The following LRP1B variants were observed in gnomAD, a reference collection of about 807,000 sequenced individuals.
The protein encoded by LRP1B is low-density lipoprotein receptor-related protein 1B.
LRP1B carries 217 observed loss-of-function variants against 556.6 expected under a neutral mutation model. That is an observed-to-expected ratio of 0.39 (90% CI 0.35 to 0.44). The LOEUF (loss-of-function observed/expected upper bound fraction) is 0.44. LRP1B is among the 20% of genes least tolerant of loss of function. The pLI, the probability that LRP1B is intolerant of heterozygous loss-of-function variation, is 1.00. For synonymous variants in LRP1B, 2,047 were observed against 1,865.8 expected, an observed-to-expected ratio of 1.10 and a Z score of -2.50; for missense variants, 5,053 against 5,620.8, an observed-to-expected ratio of 0.90 and a Z score of 3.23.
chr2:141,521,208 C>T (rs1316159157), intron 2 of LRP1B, among the ~76,000 whole-genome samples: 3 of 152,048 alleles, frequency 2.0e-5, no homozygotes, highest in Non-Finnish European at 4.4e-5. Flanking sequence ...CTTTATAAAA[C>T]CCTTTCACAT....
chr2:140,753,601 A>G (rs113312203), intron 35 of LRP1B, among the ~76,000 whole-genome samples: 6,708 of 152,252 alleles, frequency 0.044, 231 homozygotes, highest in South Asian at 0.097. Context: ...CTAAGGGCAT[A>G]AACCAAAAGA....
intron 7 of LRP1B, among the ~76,000 whole-genome samples, chr2:141,074,136 C>A (rs1699719035): frequency 6.6e-6 from 1 of 152,194 alleles, no homozygotes; most frequent in South Asian, 2.1e-4. Flanking sequence ...ACTCCTAACA[C>A]CTTGGACATC....
At chr2:141,586,661 G>A (rs1687144541) in intron 2 of LRP1B, among the ~76,000 whole-genome samples, 1 of 152,068 alleles carries the variant, frequency 6.6e-6, no homozygotes, top group African/African-American at 2.4e-5. Flanking sequence ...AGAGAAAGGG[G>A]GCCGGGCGCG....
chr2:140,317,812 G>A (rs933666159), intron 82 of LRP1B, among the ~76,000 whole-genome samples: 2 of 151,942 alleles, frequency 1.3e-5, no homozygotes, highest in Admixed American at 1.3e-4. Flanking sequence ...TACATGTTAG[G>A]GCATGCGCGT....
At chr2:141,815,882 C>T (rs865937909) in intron 1 of LRP1B, among the ~76,000 whole-genome samples, 16 of 151,298 alleles carry the variant, frequency 1.1e-4, no homozygotes, top group African/African-American at 3.4e-4. Flanking sequence ...TCAGCGAGAC[C>T]GTGAACCCAC....
At position 140,838,812 on chromosome 2, in the gene LRP1B, A is replaced by G. The variant is rs141820581; in HGVS notation, c.5209+1179T>C. Among the ~76,000 whole-genome samples the G allele has an allele frequency of 1.8e-3, 270 of 152,298 alleles. 1 individual carries two copies. Among genetic ancestry groups the G allele is most frequent in the African/African-American group, 6.1e-3 (254 of 41,568 alleles). On this transcript the variant is annotated intron_variant, in intron 31 of 90. Transcript: ENST00000389484. The stretch of plus-strand genomic sequence containing the variant: ...GGCCCTGTAACAATTTTTGCTTCTC[A>G]AAGGTATGAAAGAAAACATGAGGAA...
At chr2:140,859,261 T>C (rs1017681199) in intron 27 of LRP1B, among the ~76,000 whole-genome samples, 4 of 152,202 alleles carry the variant, frequency 2.6e-5, no homozygotes, top group African/African-American at 9.7e-5. Flanking sequence ...TTATTAATCA[T>C]GTGAAAAGTA....
At chr2:141,709,365 T>TAAATAAAATAAAATAAAATAAAATA (rs70994445) in intron 2 of LRP1B, among the ~76,000 whole-genome samples, 5,924 of 147,940 alleles carry the variant, frequency 0.04, 198 homozygotes, top group South Asian at 0.088. Context: ...TAAAAGAAAA[T>TAAATAAAATAAAATAAAATAAAATA]AAATAAAATA....
intron 2 of LRP1B, among the ~76,000 whole-genome samples, chr2:141,756,838 C>T (rs1176234987): frequency 1.3e-5 from 2 of 152,006 alleles, no homozygotes; most frequent in African/African-American, 2.4e-5. Context: ...TTTGTGTAAG[C>T]GTACTCTATG....
intron 57 of LRP1B, among the ~76,000 whole-genome samples, chr2:140,491,114 A>G (rs933763093): frequency 1.3e-5 from 2 of 152,140 alleles, no homozygotes; most frequent in East Asian, 3.9e-4. Flanking sequence ...TTGACAACAC[A>G]TTATCTGTGA....
chr2:141,124,596 C>G (rs1701151411), intron 7 of LRP1B, among the ~76,000 whole-genome samples: 2 of 150,094 alleles, frequency 1.3e-5, no homozygotes, highest in East Asian at 3.9e-4. Context: ...TTCCAGCTTA[C>G]CTTTTACAAT....
intron 83 of LRP1B, 78 bp downstream of exon 83, chr2:140,314,857 T>C (rs1433292902): frequency 9.8e-7 from 1 of 1,023,814 alleles, no homozygotes; most frequent in Non-Finnish European, 1.4e-6. Flanking sequence ...GAAGTATATT[T>C]GTAACATTAA....
intron 41 of LRP1B, among the ~76,000 whole-genome samples, chr2:140,694,043 A>G (rs959081330): frequency 5.3e-5 from 8 of 152,184 alleles, no homozygotes; most frequent in African/African-American, 1.9e-4. Context: ...GGATGTAGGG[A>G]CACCATTTGA....
chr2:140,348,019 G>C (rs1195060997), intron 77 of LRP1B, among the ~76,000 whole-genome samples: 1 of 151,876 alleles, frequency 6.6e-6, no homozygotes, highest in Non-Finnish European at 1.5e-5. Flanking sequence ...GATTTCAGAG[G>C]AATAAACACA....
intron 35 of LRP1B, among the ~76,000 whole-genome samples, chr2:140,730,087 T>C (rs139494831): frequency 6.6e-6 from 1 of 152,326 alleles, no homozygotes; most frequent in East Asian, 1.9e-4. Flanking sequence ...CAGCAAGTCC[T>C]ATGTGTTTTA....
Position 140,601,433 on chromosome 2 carries a change from A to G in LRP1B, c.6989+17T>C. 6.4e-7 allele frequency: 1 copy of G among 1,557,932 alleles called. No individual in the cohort carries two copies. The highest frequency in any genetic ancestry group is 8.7e-7 in the Non-Finnish European group (1 of 1,143,292). ...CTTATAACTATAATGAAGAAATAAA[A>G]CTACACTGTTTCTTACTTTTGACAT... On this transcript the variant is annotated intron_variant, in intron 42 of 90. Coordinates refer to ENST00000389484, the MANE Select transcript of LRP1B (RefSeq NM_018557.3).
chr2:141,668,520 T>C (rs533925242), intron 2 of LRP1B, among the ~76,000 whole-genome samples: 1 of 152,240 alleles, frequency 6.6e-6, no homozygotes, highest in East Asian at 1.9e-4. Context: ...AGAAGGAATG[T>C]CTGAACATCG....
intron 83 of LRP1B, among the ~76,000 whole-genome samples, chr2:140,298,867 A>G (rs1683706640): frequency 6.6e-6 from 1 of 152,170 alleles, no homozygotes; most frequent in Non-Finnish European, 1.5e-5. Flanking sequence ...AAGGAGAAAG[A>G]AAACAAAATG....
intron 1 of LRP1B, among the ~76,000 whole-genome samples, chr2:142,092,988 G>A (rs1228087305): frequency 6.6e-6 from 1 of 152,082 alleles, no homozygotes; most frequent in East Asian, 1.9e-4. Context: ...GTAAAGCCCA[G>A]GTACATAGAC....
Sources: gnomAD v4.1 joint callset for allele counts (sites outside exome capture counted in the v4.1 genomes callset) on GRCh38, gnomAD v4.1.1 for gene constraint, MANE v1.5 for transcripts, NCBI Gene and HGNC (gene_info 2026-07-23, HGNC 2026-07-21) for gene names.